The following SPECC1 variants were observed in gnomAD, a reference collection of about 807,000 sequenced individuals.
The protein encoded by SPECC1 is cytospin-B.
A neutral mutation model predicts 104.1 loss-of-function variants in SPECC1; 62 were observed. That is an observed-to-expected ratio of 0.60 (90% CI 0.49 to 0.74). SPECC1 has a LOEUF of 0.74. Ranked by LOEUF, SPECC1 falls within the 30% of genes least tolerant of loss-of-function variation. The probability of loss-of-function intolerance (pLI) is 0.00; values close to 1 mark genes in which losing one functional copy is unlikely to be tolerated. For synonymous variants in SPECC1, 513 were observed against 501.6 expected (o/e 1.02, Z -0.30); for missense variants, 1,306 against 1,310.5 (o/e 1.00, Z 0.05).
rs571451915 is a variant in SPECC1, at chr17:20,306,199, T to G, written c.3117+117T>G. On this transcript the variant is annotated intron_variant, in intron 14 of 14. Transcript: ENST00000395527. ...CATCTGTTTGCCGAAAGTCTGTTGC[T>G]CTCAATACCTAATATAGAGTTATCC... 8.2e-4 allele frequency: 698 copies of G among 846,468 alleles called. 2 individuals carry two copies. Among genetic ancestry groups the G allele is most frequent in the Non-Finnish European group, 1.1e-3 (562 of 514,684 alleles). 52.4% of individuals were successfully genotyped at this position (846,468 alleles called of 1,614,324 possible). A position where few individuals can be genotyped will look rare whatever the true frequency, so the allele number is the denominator to read the frequency against.
At chr17:20,164,779 G>A (rs1175480909) in intron 3 of SPECC1, among the ~76,000 whole-genome samples, 1 of 152,126 alleles carries the variant, frequency 6.6e-6, no homozygotes, top group Non-Finnish European at 1.5e-5. Flanking sequence ...CTTGAAGAAA[G>A]AGGTGTCATA....
intron 13 of SPECC1, among the ~76,000 whole-genome samples, chr17:20,300,869 A>G (rs1475600330): frequency 6.6e-6 from 1 of 152,242 alleles, no homozygotes; most frequent in East Asian, 1.9e-4. Flanking sequence ...TGAGAGTCTG[A>G]GTCAGCCCTG....
chr17:20,182,280 A>C (rs1425027472), intron 3 of SPECC1, among the ~76,000 whole-genome samples: 2 of 151,550 alleles, frequency 1.3e-5, no homozygotes, highest in African/African-American at 2.4e-5. Flanking sequence ...TGTCCCGCTA[A>C]ACTTTTTGTA....
At chr17:20,089,286 A>T (rs1261672410) in intron 1 of SPECC1, among the ~76,000 whole-genome samples, 1 of 151,088 alleles carries the variant, frequency 6.6e-6, no homozygotes, top group Non-Finnish European at 1.5e-5. Context: ...AATGATGAAC[A>T]TGGTGCCAGT....
At chr17:20,137,887 G>A (rs564051649) in intron 3 of SPECC1, among the ~76,000 whole-genome samples, 14 of 152,060 alleles carry the variant, frequency 9.2e-5, no homozygotes, top group African/African-American at 2.7e-4. Flanking sequence ...GGCTGGTCTC[G>A]AACTCCTGAC....
chr17:20,190,213 A>C (rs2035568550), intron 3 of SPECC1, among the ~76,000 whole-genome samples: 1 of 152,162 alleles, frequency 6.6e-6, no homozygotes, highest in Non-Finnish European at 1.5e-5. Flanking sequence ...CTGTTATCTC[A>C]TTTGTTCTAA....
intron 9 of SPECC1, among the ~76,000 whole-genome samples, chr17:20,248,220 G>A (rs1408120611): frequency 1.3e-5 from 2 of 152,184 alleles, no homozygotes; most frequent in Non-Finnish European, 2.9e-5. Flanking sequence ...CAGAAGGGAA[G>A]CCTTACACTC....
chr17:20,279,022 G>T (rs2040668465), intron 12 of SPECC1, among the ~76,000 whole-genome samples: 1 of 152,110 alleles, frequency 6.6e-6, no homozygotes, highest in South Asian at 2.1e-4. Flanking sequence ...TGCTGCTGCA[G>T]CATAACACTG....
At chr17:20,045,327 T>C (rs2045497072) in intron 1 of SPECC1, among the ~76,000 whole-genome samples, 1 of 151,612 alleles carries the variant, frequency 6.6e-6, no homozygotes, top group Non-Finnish European at 1.5e-5. Flanking sequence ...CAGTATCCTA[T>C]TGAGACATAT....
In SPECC1 at chr17:20,279,322, T is replaced by C. The variant is rs1436067565; in HGVS notation, c.2941-17639T>C. On this transcript the variant is annotated intron_variant, in intron 12 of 14. Transcript: ENST00000395527. ...TTACTTTTCTTTCTTTTTTTTTTTT[T>C]CTTTTTTTTTTTTTTCTGAGATGGA... Among the ~76,000 whole-genome samples, 959 of 148,818 alleles carry C rather than the reference T, an allele frequency of 6.4e-3. 10 individuals carry two copies. Among genetic ancestry groups the C allele is most frequent in the African/African-American group, 0.023 (913 of 39,730 alleles).
At chr17:20,188,397 A>G (rs531459320) in intron 3 of SPECC1, among the ~76,000 whole-genome samples, 69 of 152,010 alleles carry the variant, frequency 4.5e-4, no homozygotes, top group Non-Finnish European at 7.9e-4. Flanking sequence ...TGGCTGGGAT[A>G]CAGGTGCGCA....
chr17:20,208,880 G>A (rs1473447295), intron 4 of SPECC1, among the ~76,000 whole-genome samples: 1 of 152,134 alleles, frequency 6.6e-6, no homozygotes, highest in African/African-American at 2.4e-5. Context: ...GCTCACTGCA[G>A]CCTTGAACTC....
chr17:20,189,669 T>C (rs535288814), intron 3 of SPECC1, among the ~76,000 whole-genome samples: 1 of 152,158 alleles, frequency 6.6e-6, no homozygotes, highest in Non-Finnish European at 1.5e-5. Context: ...TAGGGGGCTT[T>C]TGTTCAGAAG....
In SPECC1 at chr17:20,096,557, G is replaced by A. The variant is rs894213045; in HGVS notation, c.-21-74G>A. On this transcript the variant is annotated intron_variant, in intron 1 of 14. Coordinates refer to ENST00000395527, the MANE Select transcript of SPECC1 (RefSeq NM_001243439.2). ...TAGTTCATGGTGACGTGGTATGTGGGGTGTAAAGTGTGATGATGTCATGCA... is the reference window on the plus strand; with the variant it reads ...TAGTTCATGGTGACGTGGTATGTGGAGTGTAAAGTGTGATGATGTCATGCA... The A allele has an allele frequency of 1.0e-5, 15 of 1,473,282 alleles. No homozygotes were observed. In the African/African-American group the frequency reaches 2.0e-4, roughly 19 times the overall value. The allele number at this position is 1,473,282 out of a possible 1,614,324, so 91.3% of individuals were successfully genotyped here. A position where few individuals can be genotyped will look rare whatever the true frequency, so the allele number is the denominator to read the frequency against.
At chr17:20,251,986 G>C (rs1330128093) in intron 9 of SPECC1, among the ~76,000 whole-genome samples, 1 of 152,156 alleles carries the variant, frequency 6.6e-6, no homozygotes, top group Admixed American at 6.5e-5. Context: ...CAAGATGGTG[G>C]GTGATGGTGG....
intron 4 of SPECC1, among the ~76,000 whole-genome samples, chr17:20,211,770 C>T (rs901879031): frequency 2.6e-5 from 4 of 152,208 alleles, no homozygotes; most frequent in East Asian, 1.9e-4. Context: ...ACCTGTGGCT[C>T]CGACCCCTTG....
intron 1 of SPECC1, among the ~76,000 whole-genome samples, chr17:20,018,538 G>A (rs1446904848): frequency 2.0e-5 from 3 of 152,350 alleles, no homozygotes; most frequent in Non-Finnish European, 2.9e-5. Flanking sequence ...TTACCGGCAT[G>A]GGCCACCATG....
chr17:20,219,827 A>G (rs1324185652), intron 4 of SPECC1, among the ~76,000 whole-genome samples: 2 of 152,100 alleles, frequency 1.3e-5, no homozygotes, highest in Non-Finnish European at 2.9e-5. Flanking sequence ...TCTTAGATGT[A>G]AGTCTTTAAT....
At chr17:20,170,721 C>A (rs554964123) in intron 3 of SPECC1, among the ~76,000 whole-genome samples, 1 of 88,284 alleles carries the variant, frequency 1.1e-5, no homozygotes, top group East Asian at 2.4e-4. Context: ...AAAAATTTTT[C>A]TTTTTTCTTT....
Sources: gnomAD v4.1 joint callset for allele counts (sites outside exome capture counted in the v4.1 genomes callset) on GRCh38, gnomAD v4.1.1 for gene constraint, MANE v1.5 for transcripts, NCBI Gene and HGNC (gene_info 2026-07-23, HGNC 2026-07-21) for gene names.